The following AKAP13 variants were observed in gnomAD, a reference collection of about 807,000 sequenced individuals.
AKAP13 encodes the protein A-kinase anchoring protein 13.
A neutral mutation model predicts 264.5 loss-of-function variants in AKAP13; 80 were observed. The ratio of observed to expected loss-of-function variants is 0.30; its 90% CI spans 0.25 to 0.36. AKAP13 has a LOEUF of 0.36. Ranked by LOEUF, AKAP13 falls within the 10% of genes least tolerant of loss-of-function variation. The probability of loss-of-function intolerance (pLI) is 1.00; values close to 1 mark genes in which losing one functional copy is unlikely to be tolerated. For missense variants in AKAP13, 3,712 were observed against 3,435.2 expected (o/e 1.08, Z -2.01); for synonymous variants, 1,380 against 1,250.2 (o/e 1.10, Z -2.19).
chr15:85,696,215 T>C (rs533412533), intron 17 of AKAP13, among the ~76,000 whole-genome samples: 1 of 152,348 alleles, frequency 6.6e-6, no homozygotes, highest in African/African-American at 2.4e-5. Context: ...ACTCTCATCA[T>C]TTTCATTTGA....
At position 85,664,699 on chromosome 15, in the gene AKAP13, C is replaced by T; in HGVS notation, c.4936C>T (p.Leu1646Phe). ...GEERVDSLVSLSEEDLESDQR... is the reference protein window; with the variant it reads ...GEERVDSLVSFSEEDLESDQR... ...GGAACGGGTTGACTCTTTGGTGTCACTTTCAGAAGAGGATCTGGAGTCAGA... is the reference window on the plus strand; with the variant it reads ...GGAACGGGTTGACTCTTTGGTGTCATTTTCAGAAGAGGATCTGGAGTCAGA... Residue 1646 changes from leucine (L) to phenylalanine (F), a missense_variant, in exon 13 of 37, where the codon CTT becomes TTT. Around this residue, in one of 3 missense-constraint regions of AKAP13, gnomAD observed 2,759 missense variants for 2,411.7 expected, o/e 1.14. Coordinates refer to ENST00000394518, the MANE Select transcript of AKAP13 (RefSeq NM_007200.5). 1 of 1,614,062 alleles carries T rather than the reference C, an allele frequency of 6.2e-7. No homozygotes were observed. The highest frequency in any genetic ancestry group is 8.5e-7 in the Non-Finnish European group (1 of 1,179,956).
intron 5 of AKAP13, among the ~76,000 whole-genome samples, chr15:85,550,822 A>T (rs1236349071): frequency 6.6e-6 from 1 of 152,168 alleles, no homozygotes; most frequent in African/African-American, 2.4e-5. Context: ...TCATTGTGTG[A>T]TCTAGGTCTT....
intron 1 of AKAP13, among the ~76,000 whole-genome samples, chr15:85,387,536 G>C (rs965302136): frequency 1.3e-5 from 2 of 151,998 alleles, no homozygotes; most frequent in African/African-American, 4.8e-5. Flanking sequence ...TGTTGCCCAG[G>C]CTGGCCTCAA....
At chr15:85,381,964 T>C (rs1595988628) in intron 1 of AKAP13, 1 of 152,224 alleles carries the variant, frequency 6.6e-6, no homozygotes, top group Admixed American at 6.5e-5. Context: ...GAAGCTAAGA[T>C]CAGTTGAGAT....
chr15:85,571,148 A>G (rs1024760083), intron 5 of AKAP13, among the ~76,000 whole-genome samples: 1 of 152,250 alleles, frequency 6.6e-6, no homozygotes, highest in African/African-American at 2.4e-5. Context: ...ATTACTGAGC[A>G]GCAATGAGGC....
At chr15:85,466,951 T>C (rs1395591481) in intron 1 of AKAP13, among the ~76,000 whole-genome samples, 1 of 152,184 alleles carries the variant, frequency 6.6e-6, no homozygotes, top group Non-Finnish European at 1.5e-5. Context: ...AAAAATTTTA[T>C]CTGTGTCTGT....
intron 1 of AKAP13, among the ~76,000 whole-genome samples, chr15:85,466,640 C>G (rs964693662): frequency 6.6e-6 from 1 of 152,202 alleles, no homozygotes; most frequent in African/African-American, 2.4e-5. Flanking sequence ...AATCCTTTGG[C>G]AGATTCAGTT....
intron 2 of AKAP13, among the ~76,000 whole-genome samples, chr15:85,486,142 T>A (rs1365396402): frequency 1.3e-5 from 2 of 152,242 alleles, no homozygotes; most frequent in Non-Finnish European, 2.9e-5. Flanking sequence ...TGGCACTATG[T>A]CATTGGCAAG....
chr15:85,466,277 T>C (rs1224975767), intron 1 of AKAP13, among the ~76,000 whole-genome samples: 1 of 152,130 alleles, frequency 6.6e-6, no homozygotes, highest in African/African-American at 2.4e-5. Context: ...GACTAGGTTG[T>C]GAAAATTTTC....
chr15:85,680,042 A>G lies in AKAP13; in HGVS notation c.5102-2116A>G, dbSNP rs548866623. On this transcript the variant is annotated intron_variant, in intron 14 of 36. Transcript: ENST00000394518. Reference sequence around the variant, plus strand: ...GAGTCATAGATTCTCCTAGTACTCAATCACATATGTGTTCAGTCTTTAATT... The same window carrying G: ...GAGTCATAGATTCTCCTAGTACTCAGTCACATATGTGTTCAGTCTTTAATT... 3.3e-5 allele frequency among the ~76,000 whole-genome samples: 5 copies of G among 152,340 alleles called. No homozygotes were observed. The South Asian group carries it at 1.0e-3, about 32-fold the overall frequency.
chr15:85,655,880 G>C, intron 11 of AKAP13, 93 bp downstream of exon 11: 1 of 1,490,866 alleles, frequency 6.7e-7, no homozygotes, highest in Non-Finnish European at 8.9e-7. Flanking sequence ...GAATTTAGGA[G>C]ACCCCATAGT....
At chr15:85,600,713 A>G (rs1374013680) in intron 8 of AKAP13, among the ~76,000 whole-genome samples, 1 of 152,226 alleles carries the variant, frequency 6.6e-6, no homozygotes, top group Non-Finnish European at 1.5e-5. Flanking sequence ...ATATTCCCCT[A>G]CCCAGCCCCA....
intron 19 of AKAP13, 67 bp from the exon 20 acceptor site, chr15:85,715,721 T>C: frequency 1.5e-6 from 2 of 1,347,428 alleles, no homozygotes; most frequent in Non-Finnish European, 2.0e-6. Context: ...GCTTGTTATT[T>C]GTCAGATGGG....
At chr15:85,744,490 C>T in intron 36 of AKAP13, 138 bp from the exon 37 acceptor site, 1 of 881,226 alleles carries the variant, frequency 1.1e-6, no homozygotes, top group South Asian at 1.4e-5. Context: ...GTTCAGAAAC[C>T]CCGGTGCGCA....
intron 5 of AKAP13, among the ~76,000 whole-genome samples, chr15:85,557,634 C>G (rs1371673819): frequency 6.6e-6 from 1 of 152,038 alleles, no homozygotes; most frequent in African/African-American, 2.4e-5. Flanking sequence ...ACTAACGCAC[C>G]TGGCTAACTT....
chr15:85,424,866 AG>A (rs1408903360), intron 1 of AKAP13, among the ~76,000 whole-genome samples: 1 of 152,188 alleles, frequency 6.6e-6, no homozygotes, highest in African/African-American at 2.4e-5. Flanking sequence ...ACTGTGTCTC[AG>A]GGAATAGGGA....
chr15:85,648,075 G>A (rs1026217771), intron 10 of AKAP13, among the ~76,000 whole-genome samples: 7 of 151,580 alleles, frequency 4.6e-5, no homozygotes, highest in Middle Eastern at 3.4e-3. Context: ...TGCGACTTTC[G>A]AGGTTTTAAT....
chr15:85,546,321 A>AACACAC (rs60271542), intron 5 of AKAP13, among the ~76,000 whole-genome samples: 4,394 of 145,208 alleles, frequency 0.03, 92 homozygotes, highest in Middle Eastern at 0.038. Context: ...GTTGTTACCA[A>AACACAC]ACACACACAC....
At chr15:85,451,049 C>CAT (rs1303351521) in intron 1 of AKAP13, among the ~76,000 whole-genome samples, 2 of 152,138 alleles carry the variant, frequency 1.3e-5, no homozygotes, top group African/African-American at 4.8e-5. Flanking sequence ...CTGTTGGGTG[C>CAT]ATATATATTT....
Sources: gnomAD v4.1 joint callset for allele counts (sites outside exome capture counted in the v4.1 genomes callset) on GRCh38, gnomAD v4.1.1 for gene constraint, gnomAD v4.1.1 regional missense constraint, MANE v1.5 for transcripts, NCBI Gene and HGNC (gene_info 2026-07-23, HGNC 2026-07-21) for gene names.